The following DOCK1 variants were observed in gnomAD, a reference collection of about 807,000 sequenced individuals.
The protein encoded by DOCK1 is dedicator of cytokinesis 1, also known as dedicator of cytokinesis protein 1.
A neutral mutation model predicts 262.7 loss-of-function variants in DOCK1; 138 were observed. That is an observed-to-expected ratio of 0.53 (90% CI 0.46 to 0.61). DOCK1 has a LOEUF of 0.61. DOCK1 is among the 20% of genes least tolerant of loss of function. DOCK1 has a pLI of 0.00. For synonymous variants in DOCK1, 866 were observed against 867.4 expected (o/e 1.00, Z 0.03); for missense variants, 1,908 against 2,370.7 (o/e 0.80, Z 4.05).
intron 6 of DOCK1, among the ~76,000 whole-genome samples, chr10:126,996,513 G>A (rs1351053770): frequency 6.8e-6 from 1 of 147,956 alleles, no homozygotes; most frequent in Non-Finnish European, 1.5e-5. Flanking sequence ...ACTGTTGATT[G>A]CAATGGAAAT....
chr10:127,420,899 TTA>T (rs2068467853), intron 46 of DOCK1, among the ~76,000 whole-genome samples: 1 of 55,742 alleles, frequency 1.8e-5, no homozygotes, highest in African/African-American at 8.1e-5. Flanking sequence ...CGTGAGCAGT[TTA>T]TTTGTTTGTT....
At chr10:127,131,416 C>G (rs1269844605) in intron 27 of DOCK1, among the ~76,000 whole-genome samples, 1 of 152,146 alleles carries the variant, frequency 6.6e-6, no homozygotes, top group Non-Finnish European at 1.5e-5. Context: ...ATGCAGCTGT[C>G]TTGAAAGGAC....
Position 127,022,961 on chromosome 10 carries a change from G to A in DOCK1, c.1328-239G>A, listed in dbSNP as rs116166153. 4.0e-3 allele frequency among the ~76,000 whole-genome samples: 610 copies of A among 152,234 alleles called. 6 individuals carry two copies. Among genetic ancestry groups the A allele is most frequent in the African/African-American group, 0.014 (571 of 41,548 alleles). On this transcript the variant is annotated intron_variant, in intron 13 of 51. Transcript: ENST00000623213. Reference sequence around the variant, plus strand: ...GGGGTAGAGTGTCCTCTGCCCAGATGATAACCAAGCAGATCATTGGAAACT... The same window carrying A: ...GGGGTAGAGTGTCCTCTGCCCAGATAATAACCAAGCAGATCATTGGAAACT...
chr10:127,027,842 G>A (rs990069268), intron 16 of DOCK1, among the ~76,000 whole-genome samples: 1 of 152,044 alleles, frequency 6.6e-6, no homozygotes, highest in Non-Finnish European at 1.5e-5. Flanking sequence ...GCAAATGCAC[G>A]AGCACGGTCA....
intron 27 of DOCK1, among the ~76,000 whole-genome samples, chr10:127,233,414 A>T (rs982396314): frequency 6.6e-6 from 1 of 152,228 alleles, no homozygotes; most frequent in African/African-American, 2.4e-5. Flanking sequence ...ATATATTTAC[A>T]TTGATATCCC....
rs1338457191 is a variant in DOCK1, at chr10:127,333,896, T to G, written c.3045-5110T>G. 2.6e-5 allele frequency among the ~76,000 whole-genome samples: 4 copies of G among 152,220 alleles called. 1 individual carries two copies. In the South Asian group the frequency reaches 6.2e-4, roughly 24 times the overall value. On this transcript the variant is annotated intron_variant, in intron 29 of 51. Coordinates refer to ENST00000623213, the MANE Select transcript of DOCK1 (RefSeq NM_001290223.2). The stretch of plus-strand genomic sequence containing the variant: ...ATGTGGTGATGCCTCTTCCTTACCT[T>G]TAATCTCAAAAATAAAAAAACAAAA...
At chr10:127,406,697 A>G (rs2067535258) in intron 40 of DOCK1, among the ~76,000 whole-genome samples, 2 of 152,264 alleles carry the variant, frequency 1.3e-5, no homozygotes, top group South Asian at 4.1e-4. Context: ...TACAAGGAAT[A>G]AATATCTTTG....
intron 15 of DOCK1, among the ~76,000 whole-genome samples, chr10:127,025,439 A>G (rs2135470442): frequency 6.6e-6 from 1 of 152,196 alleles, no homozygotes; most frequent in South Asian, 2.1e-4. Context: ...GGGGCTAAGA[A>G]GAAAAACGGC....
chr10:127,292,030 G>T (rs1309136876), intron 29 of DOCK1, among the ~76,000 whole-genome samples: 1 of 152,110 alleles, frequency 6.6e-6, no homozygotes, highest in Non-Finnish European at 1.5e-5. Context: ...GCCGATCCTT[G>T]GAAAGTCTGT....
intron 22 of DOCK1, among the ~76,000 whole-genome samples, chr10:127,060,639 A>G (rs2045470965): frequency 6.6e-6 from 1 of 152,266 alleles, no homozygotes; most frequent in African/African-American, 2.4e-5. Context: ...TAACACAGCA[A>G]CTTGAAGTAA....
At chr10:126,905,705 C>G (rs1342180555) in intron 1 of DOCK1, 142 bp downstream of exon 1, 1 of 148,712 alleles carries the variant, frequency 6.7e-6, no homozygotes, top group African/African-American at 2.4e-5. Flanking sequence ...GCCGCCGCCC[C>G]GCTCGCAATG....
intron 27 of DOCK1, among the ~76,000 whole-genome samples, chr10:127,160,409 G>T (rs942438206): frequency 6.6e-6 from 1 of 152,204 alleles, no homozygotes; most frequent in Non-Finnish European, 1.5e-5. Flanking sequence ...ATTTGTGTGT[G>T]CCTGGTCTGG....
intron 27 of DOCK1, among the ~76,000 whole-genome samples, chr10:127,142,442 T>C (rs918437748): frequency 4.6e-5 from 7 of 152,228 alleles, no homozygotes; most frequent in Admixed American, 2.0e-4. Flanking sequence ...GGAGTGTCCA[T>C]GTCATGAGGA....
chr10:127,390,379 G>C (rs1227623390), intron 38 of DOCK1, among the ~76,000 whole-genome samples: 4 of 152,152 alleles, frequency 2.6e-5, no homozygotes, highest in Non-Finnish European at 4.4e-5. Context: ...CTTATGGGCT[G>C]AGTTGCATCC....
At chr10:127,383,231 A>C (rs776020675) in intron 37 of DOCK1, among the ~76,000 whole-genome samples, 6 of 152,186 alleles carry the variant, frequency 3.9e-5, no homozygotes, top group Non-Finnish European at 7.3e-5. Flanking sequence ...CTAGCAATCA[A>C]ATTATTACAT....
intron 1 of DOCK1, 88 bp downstream of exon 1, chr10:126,905,651 G>T: frequency 1.0e-5 from 2 of 200,904 alleles, no homozygotes; most frequent in South Asian, 3.6e-4. Context: ...CCGCCGCCCC[G>T]AGCGGCCGCC....
intron 27 of DOCK1, among the ~76,000 whole-genome samples, chr10:127,144,063 C>T (rs921730973): frequency 2.6e-5 from 4 of 152,220 alleles, no homozygotes; most frequent in African/African-American, 9.6e-5. Context: ...TCAGAACACC[C>T]GGTGTCCTTC....
chr10:127,312,024 C>A (rs1048851922), intron 29 of DOCK1, among the ~76,000 whole-genome samples: 2 of 152,054 alleles, frequency 1.3e-5, no homozygotes, highest in Admixed American at 1.3e-4. Flanking sequence ...GCTACCACAC[C>A]TGGCCAATTT....
chr10:126,974,980 G>C (rs577937187), intron 2 of DOCK1, among the ~76,000 whole-genome samples: 7 of 152,146 alleles, frequency 4.6e-5, no homozygotes, highest in African/African-American at 1.7e-4. Flanking sequence ...TGCCTTTCAT[G>C]CCTACTGCTT....
Sources: gnomAD v4.1 joint callset for allele counts (sites outside exome capture counted in the v4.1 genomes callset) on GRCh38, gnomAD v4.1.1 for gene constraint, MANE v1.5 for transcripts, NCBI Gene and HGNC (gene_info 2026-07-23, HGNC 2026-07-21) for gene names.